The following PCDH15 variants were observed in gnomAD, a reference collection of about 807,000 sequenced individuals.
The protein encoded by PCDH15 is protocadherin related 15, also known as protocadherin-15.
A neutral mutation model predicts 178.5 loss-of-function variants in PCDH15; 129 were observed. The ratio of observed to expected loss-of-function variants is 0.72; its 90% confidence interval spans 0.63 to 0.84. The LOEUF is 0.84. Among genes scored for constraint, PCDH15 ranks in the 40% least tolerant of loss-of-function variants. The pLI, the probability that PCDH15 is intolerant of heterozygous loss-of-function variation, is 0.00. For missense variants in PCDH15, 2,230 were observed against 2,099.9 expected (o/e 1.06, Z -1.21); for synonymous variants, 800 against 732.0 (o/e 1.09, Z -1.50).
intron 2 of PCDH15, among the ~76,000 whole-genome samples, chr10:54,537,350 T>C (rs1221320437): frequency 6.6e-6 from 1 of 152,078 alleles, no homozygotes; most frequent in Non-Finnish European, 1.5e-5. Flanking sequence ...GTGAGTCTAA[T>C]AGAAGAGCTG....
At chr10:55,222,730 C>CACACACACACACATATATATATAT in intron 1 of PCDH15, among the ~76,000 whole-genome samples, 9 of 121,272 alleles carry the variant, frequency 7.4e-5, no homozygotes, top group Middle Eastern at 4.1e-3. Flanking sequence ...CACACACACA[C>CACACACACACACATATATATATAT]ATATATATAT....
intron 11 of PCDH15, among the ~76,000 whole-genome samples, chr10:54,194,349 A>C (rs768889066): frequency 2.6e-5 from 4 of 152,126 alleles, no homozygotes; most frequent in Non-Finnish European, 4.4e-5. Flanking sequence ...ATTAAGCAAA[A>C]TTTAAAAGTT....
intron 2 of PCDH15, chr10:54,607,860 C>T (rs1387438977): frequency 1.9e-6 from 1 of 528,930 alleles, no homozygotes; most frequent in Admixed American, 2.0e-5. Context: ...GTGAGCAAGA[C>T]ACTGCTAATC....
At chr10:54,831,286 A>G (rs1486748521) in intron 3 of PCDH15, among the ~76,000 whole-genome samples, 4 of 152,146 alleles carry the variant, frequency 2.6e-5, no homozygotes, top group Non-Finnish European at 5.9e-5. Flanking sequence ...ATGAAATAAA[A>G]TAATAAGGTT....
intron 2 of PCDH15, among the ~76,000 whole-genome samples, chr10:54,549,575 G>A (rs2086302600): frequency 1.3e-5 from 2 of 151,558 alleles, no homozygotes; most frequent in East Asian, 3.9e-4. Flanking sequence ...CTAGTATATG[G>A]CCCATTTTTA....
intron 2 of PCDH15, among the ~76,000 whole-genome samples, chr10:55,462,231 G>A (rs556468101): frequency 7.7e-4 from 117 of 152,062 alleles, no homozygotes; most frequent in African/African-American, 2.0e-3. Flanking sequence ...ATGTCGTTAC[G>A]ATGTATTCAT....
At chr10:54,994,456 GA>G (rs1206852804) in intron 2 of PCDH15, among the ~76,000 whole-genome samples, 8 of 152,016 alleles carry the variant, frequency 5.3e-5, no homozygotes, top group African/African-American at 1.4e-4. Context: ...ACTATATCTA[GA>G]AAATATAAAG....
At chr10:54,240,270 T>A (rs1470857438) in intron 8 of PCDH15, among the ~76,000 whole-genome samples, 1 of 150,898 alleles carries the variant, frequency 6.6e-6, no homozygotes, top group South Asian at 2.1e-4. Flanking sequence ...GTTCAAGTAT[T>A]TTTTTTTAAC....
chr10:55,611,759 C>T (rs994019701), intron 2 of PCDH15, among the ~76,000 whole-genome samples: 4 of 152,020 alleles, frequency 2.6e-5, no homozygotes, highest in African/African-American at 9.6e-5. Flanking sequence ...AATCTAAGTG[C>T]ATATCAAGGG....
intron 5 of PCDH15, among the ~76,000 whole-genome samples, chr10:54,356,948 C>A (rs982000331): frequency 1.4e-4 from 22 of 152,142 alleles, no homozygotes; most frequent in African/African-American, 3.9e-4. Context: ...AGGCCTTTGA[C>A]AAAATTCAAC....
At chr10:55,137,785 T>A (rs965219662) in intron 2 of PCDH15, among the ~76,000 whole-genome samples, 1 of 151,800 alleles carries the variant, frequency 6.6e-6, no homozygotes, top group African/African-American at 2.4e-5. Flanking sequence ...GTGAACAGGG[T>A]GAGGGTTATA....
intron 21 of PCDH15, among the ~76,000 whole-genome samples, chr10:53,986,470 G>T (rs2091111013): frequency 6.6e-6 from 1 of 152,046 alleles, no homozygotes; most frequent in African/African-American, 2.4e-5. Context: ...TCCACTTTTG[G>T]GAATTTATTC....
intron 2 of PCDH15, among the ~76,000 whole-genome samples, chr10:55,082,627 T>C (rs940704793): frequency 6.8e-6 from 1 of 147,590 alleles, no homozygotes; most frequent in African/African-American, 2.5e-5. Flanking sequence ...GAAAAGTTGC[T>C]TTTTAAAAAG....
chr10:54,454,004 T>G (rs551825861), intron 3 of PCDH15, among the ~76,000 whole-genome samples: 1 of 151,788 alleles, frequency 6.6e-6, no homozygotes, highest in African/African-American at 2.4e-5. Flanking sequence ...GTCTGAAATA[T>G]AAATGTATAT....
In PCDH15 at chr10:54,611,838, G is replaced by A. The variant is rs563431503; in HGVS notation, c.91+52334C>T. On this transcript the variant is annotated intron_variant, in intron 2 of 37. Transcript: ENST00000644397. ...GTTTCACCATATTCCTACTTGTTTT[G>A]TCTTCAACACTTTCTGAGAGAATGA... Among the ~76,000 whole-genome samples the A allele has an allele frequency of 3.6e-4, 55 of 151,824 alleles. No homozygotes were observed. The South Asian group carries it at 0.011, about 30-fold the overall frequency.
intron 1 of PCDH15, among the ~76,000 whole-genome samples, chr10:54,790,389 C>T (rs1591645674): frequency 6.6e-6 from 1 of 151,472 alleles, no homozygotes; most frequent in South Asian, 2.1e-4. Context: ...ATGTATTTCC[C>T]TCATCTTTTA....
chr10:54,372,025 C>A (rs912365900), intron 4 of PCDH15, among the ~76,000 whole-genome samples: 2 of 151,788 alleles, frequency 1.3e-5, no homozygotes, highest in African/African-American at 2.4e-5. Context: ...AGATGACCTC[C>A]ATTTTTACTA....
At chr10:54,188,793 A>T (rs2048701342) in intron 11 of PCDH15, among the ~76,000 whole-genome samples, 1 of 151,920 alleles carries the variant, frequency 6.6e-6, no homozygotes, top group South Asian at 2.1e-4. Context: ...TATCACAAAC[A>T]CACAAGACCA....
At chr10:55,306,047 T>C (rs1165915091) in intron 1 of PCDH15, among the ~76,000 whole-genome samples, 1 of 152,192 alleles carries the variant, frequency 6.6e-6, no homozygotes, top group Non-Finnish European at 1.5e-5. Context: ...AATTTACCAA[T>C]AAAATGGCAA....
Sources: allele counts gnomAD v4.1 joint callset (sites outside exome capture counted in the v4.1 genomes callset), GRCh38; gene constraint gnomAD v4.1.1; transcripts MANE v1.5; gene names NCBI Gene and HGNC (gene_info 2026-07-23, HGNC 2026-07-21).